The following FAM135B variants were observed in gnomAD, a reference collection of about 807,000 sequenced individuals.
The protein encoded by FAM135B is family with sequence similarity 135 member B, also known as protein FAM135B.
Under a neutral mutation model 127.7 loss-of-function variants are expected in FAM135B, and 43 were observed. The ratio of observed to expected loss-of-function variants is 0.34; its 90% CI spans 0.26 to 0.43. The LOEUF (loss-of-function observed/expected upper bound fraction) is 0.43, where lower values mean the gene tolerates loss of function less well. Among genes scored for constraint, FAM135B ranks in the 20% least tolerant of loss-of-function variants. FAM135B has a pLI of 1.00. For missense variants in FAM135B, 1,558 were observed against 1,725.6 expected, an observed-to-expected ratio of 0.90 and a Z score of 1.72; for synonymous variants, 670 against 665.1, an observed-to-expected ratio of 1.01 and a Z score of -0.11.
intron 1 of FAM135B, among the ~76,000 whole-genome samples, chr8:138,427,085 T>C (rs1361830267): frequency 6.6e-6 from 1 of 151,946 alleles, no homozygotes; most frequent in African/African-American, 2.4e-5. Context: ...ATAAACCTGT[T>C]CAAAAATAGT....
Position 138,251,004 on chromosome 8 carries a change from C to G in FAM135B, c.379G>C (p.Val127Leu). ...CTGCTGACCATCGGTGCCCCAGCCACATCCCTCAACCTAGAAGGCAAGCAT... is the reference window on the plus strand; with the variant it reads ...CTGCTGACCATCGGTGCCCCAGCCAGATCCCTCAACCTAGAAGGCAAGCAT... ...FTDSEQQLRDVAGAPMVSSRT... is the reference protein window; with the variant it reads ...FTDSEQQLRDLAGAPMVSSRT... Residue 127 changes from valine to leucine, a missense_variant, in exon 6 of 20, where the codon GTG becomes CTG. This residue lies in a region of FAM135B where 199 missense variants were observed against 245.7 expected (regional missense o/e 0.81). Coordinates refer to ENST00000395297, the MANE Select transcript of FAM135B (RefSeq NM_015912.4). 2 of 1,613,958 alleles carry G rather than the reference C, an allele frequency of 1.2e-6. No homozygotes were observed. The highest frequency in any genetic ancestry group is 1.7e-6 in the Non-Finnish European group (2 of 1,180,008).
intron 7 of FAM135B, among the ~76,000 whole-genome samples, chr8:138,216,580 A>C (rs1284773527): frequency 6.6e-6 from 1 of 152,200 alleles, no homozygotes; most frequent in African/African-American, 2.4e-5. Flanking sequence ...GCCAAGAGAA[A>C]GCTTCAAAAA....
chr8:138,236,291 A>G (rs1054212688), intron 7 of FAM135B, among the ~76,000 whole-genome samples: 8 of 152,122 alleles, frequency 5.3e-5, no homozygotes, highest in Non-Finnish European at 1.0e-4. Context: ...AGGATTTCCA[A>G]GAGAAATTGG....
At chr8:138,235,396 C>G (rs1820197024) in intron 7 of FAM135B, among the ~76,000 whole-genome samples, 1 of 152,176 alleles carries the variant, frequency 6.6e-6, no homozygotes. Context: ...ATGGCAGTAT[C>G]TCTGCTCAAA....
rs375704326 is a variant in FAM135B, at chr8:138,359,373, GA to G, written c.77+8533del. Among the ~76,000 whole-genome samples, 74 of 152,274 alleles carry G rather than the reference GA, an allele frequency of 4.9e-4. 2 individuals carry two copies. The highest frequency in any genetic ancestry group is 1.7e-3 in the African/African-American group (70 of 41,558). On this transcript the variant is annotated intron_variant, in intron 2 of 19. Coordinates refer to ENST00000395297, the MANE Select transcript of FAM135B (RefSeq NM_015912.4). Reference sequence around the variant, plus strand: ...GAACAACTGAAAAGTCATGAGACTGGAATGATGCATTAAATCCACTGCTTCT... The same window carrying G: ...GAACAACTGAAAAGTCATGAGACTGGATGATGCATTAAATCCACTGCTTCT...
intron 1 of FAM135B, among the ~76,000 whole-genome samples, chr8:138,466,068 G>A (rs986976261): frequency 5.3e-5 from 8 of 152,176 alleles, no homozygotes; most frequent in Non-Finnish European, 1.0e-4. Context: ...GAGCCACTGC[G>A]CCTGGTCTCA....
intron 1 of FAM135B, among the ~76,000 whole-genome samples, chr8:138,481,639 C>T (rs776093337): frequency 1.3e-5 from 2 of 152,188 alleles, no homozygotes; most frequent in Admixed American, 6.5e-5. Flanking sequence ...CCCAGTTATG[C>T]GGCTGTAACA....
chr8:138,401,218 C>A (rs1833136059), intron 1 of FAM135B, among the ~76,000 whole-genome samples: 1 of 152,166 alleles, frequency 6.6e-6, no homozygotes. Context: ...CTGTAATACT[C>A]TAAGCAGGAC....
At chr8:138,313,518 TTTTG>T (rs1427168332) in intron 2 of FAM135B, among the ~76,000 whole-genome samples, 9 of 150,974 alleles carry the variant, frequency 6.0e-5, no homozygotes, top group African/African-American at 9.7e-5. Context: ...ACATAATAAA[TTTTG>T]TTTGTTTGTT....
intron 6 of FAM135B, among the ~76,000 whole-genome samples, chr8:138,250,308 G>A (rs552215905): frequency 2.2e-4 from 34 of 152,270 alleles, no homozygotes; most frequent in South Asian, 6.2e-4. Flanking sequence ...AGCCGAGGTG[G>A]TGCCATTGTA....
intron 1 of FAM135B, chr8:138,441,704 T>G (rs1391139792): frequency 1.3e-5 from 2 of 152,122 alleles, no homozygotes; most frequent in Admixed American, 1.3e-4. Context: ...TTCTCTGCTT[T>G]CTGCCATATA....
chr8:138,309,184 A>G (rs918896736), intron 3 of FAM135B, among the ~76,000 whole-genome samples: 1 of 152,166 alleles, frequency 6.6e-6, no homozygotes, highest in Non-Finnish European at 1.5e-5. Flanking sequence ...CACGCAGGGC[A>G]GGGTCCAAAT....
intron 1 of FAM135B, among the ~76,000 whole-genome samples, chr8:138,429,478 C>CA (rs1202476349): frequency 2.6e-5 from 4 of 152,166 alleles, no homozygotes; most frequent in African/African-American, 9.7e-5. Flanking sequence ...ACTGCACCTT[C>CA]TTGGCACGTA....
chr8:138,468,231 G>A (rs1374964493), intron 1 of FAM135B, among the ~76,000 whole-genome samples: 1 of 152,196 alleles, frequency 6.6e-6, no homozygotes, highest in African/African-American at 2.4e-5. Flanking sequence ...ATTTGTATTT[G>A]AAAGCCCTTT....
At chr8:138,215,004 C>G (rs1586794852) in intron 7 of FAM135B, among the ~76,000 whole-genome samples, 1 of 152,184 alleles carries the variant, frequency 6.6e-6, no homozygotes, top group Non-Finnish European at 1.5e-5. Flanking sequence ...AAATCAGTCA[C>G]TAACGTAGAC....
chr8:138,274,889 T>G (rs1032956688), intron 3 of FAM135B, among the ~76,000 whole-genome samples: 1 of 142,258 alleles, frequency 7.0e-6, no homozygotes, highest in African/African-American at 2.6e-5. Flanking sequence ...TGTTCTTTTT[T>G]TTTTTAAGGT....
chr8:138,402,939 A>G (rs1346015006), intron 1 of FAM135B, among the ~76,000 whole-genome samples: 1 of 152,128 alleles, frequency 6.6e-6, no homozygotes, highest in East Asian at 1.9e-4. Context: ...TGACCTTACA[A>G]GAAGAGACAT....
chr8:138,437,060 G>A (rs1255207229), intron 1 of FAM135B: 2 of 152,122 alleles, frequency 1.3e-5, no homozygotes, highest in Non-Finnish European at 2.9e-5. Context: ...TCCTCCAACG[G>A]TGTTACTTCA....
At chr8:138,474,715 T>G (rs1324695787) in intron 1 of FAM135B, among the ~76,000 whole-genome samples, 1 of 152,200 alleles carries the variant, frequency 6.6e-6, no homozygotes, top group Non-Finnish European at 1.5e-5. Flanking sequence ...TTTTGTACTT[T>G]ACTGCATTAT....
Sources: allele counts gnomAD v4.1 joint callset (sites outside exome capture counted in the v4.1 genomes callset), GRCh38; gene constraint gnomAD v4.1.1; regional missense constraint gnomAD v4.1.1; transcripts MANE v1.5; gene names NCBI Gene and HGNC (gene_info 2026-07-23, HGNC 2026-07-21).